ABCB5: variants seen among roughly 807,000 people sequenced by gnomAD.
The protein encoded by ABCB5 is ATP-binding cassette sub-family B member 5.
In ABCB5, 155 loss-of-function variants were observed where a neutral mutation model predicts 144.2. The ratio of observed to expected loss-of-function variants is 1.08; its 90% CI spans 0.94 to 1.23. The LOEUF is 1.23. Among genes scored for constraint, ABCB5 ranks in the 50% most tolerant of loss-of-function variants. The pLI, the probability that ABCB5 is intolerant of heterozygous loss-of-function variation, is 0.00. For missense variants in ABCB5, 1,830 were observed against 1,520.8 expected (o/e 1.20, Z -3.38); for synonymous variants, 610 against 528.6 (o/e 1.15, Z -2.11).
intron 9 of ABCB5, 25 bp downstream of exon 9, chr7:20,646,163 G>T (rs11769236): frequency 5.6e-6 from 9 of 1,597,990 alleles, no homozygotes; most frequent in Non-Finnish European, 7.7e-6. Context: ...AGAACAAGGT[G>T]TCAGGCCTGG....
intron 7 of ABCB5, among the ~76,000 whole-genome samples, chr7:20,644,114 C>G (rs1256258431): frequency 6.7e-6 from 1 of 150,080 alleles, no homozygotes; most frequent in Non-Finnish European, 1.5e-5. Context: ...GAGGCAAGGT[C>G]TCACTGTGTC....
chr7:20,707,201 G>A (rs534143671), intron 20 of ABCB5, among the ~76,000 whole-genome samples: 2 of 152,252 alleles, frequency 1.3e-5, no homozygotes, highest in East Asian at 1.9e-4. Flanking sequence ...TAGAATGAAT[G>A]TTCATAAAAT....
At chr7:20,745,693 A>G (rs1186940525) in intron 26 of ABCB5, among the ~76,000 whole-genome samples, 1 of 152,186 alleles carries the variant, frequency 6.6e-6, no homozygotes, top group African/African-American at 2.4e-5. Context: ...CCTTCCATCC[A>G]TCTACACTGT....
At chr7:20,753,992 A>G (rs1001878115) in intron 27 of ABCB5, among the ~76,000 whole-genome samples, 1 of 152,228 alleles carries the variant, frequency 6.6e-6, no homozygotes, top group African/African-American at 2.4e-5. Flanking sequence ...ATACTTGCAC[A>G]GCAAGCTTCT....
chr7:20,623,361 A>C (rs953374751), intron 2 of ABCB5, 23 bp downstream of exon 2: 1 of 1,528,776 alleles, frequency 6.5e-7, no homozygotes, highest in African/African-American at 1.4e-5. Flanking sequence ...TAAGTTCTGT[A>C]AGTATGCTTC....
At position 20,680,429 on chromosome 7, in the gene ABCB5, C is replaced by G. The variant is rs145165411; in HGVS notation, c.1708-1076C>G. 2.2e-3 allele frequency among the ~76,000 whole-genome samples: 328 copies of G among 152,086 alleles called. 3 individuals are homozygous for G. The highest frequency in any genetic ancestry group is 7.2e-3 in the African/African-American group (300 of 41,502). On this transcript the variant is annotated intron_variant, in intron 14 of 27. Transcript: ENST00000404938. Reference sequence around the variant, plus strand: ...AATAAAATAAAACAAAATAAATAGCCGGGCGTGGTGGTGGGCACCTGTAGT... The same window carrying G: ...AATAAAATAAAACAAAATAAATAGCGGGGCGTGGTGGTGGGCACCTGTAGT...
At chr7:20,634,383 C>T (rs1042405777) in intron 5 of ABCB5, among the ~76,000 whole-genome samples, 3 of 151,874 alleles carry the variant, frequency 2.0e-5, no homozygotes, top group Admixed American at 2.0e-4. Flanking sequence ...CTTTCTGGCA[C>T]AATGATTTCT....
At position 20,643,454 on chromosome 7, in the gene ABCB5, G is replaced by C. The variant is rs751342832; in HGVS notation, c.507-7G>C. 1.3e-5 allele frequency: 21 copies of C among 1,613,818 alleles called. No homozygotes were observed. Among genetic ancestry groups the C allele is most frequent in the Non-Finnish European group, 1.5e-5 (18 of 1,179,832 alleles). The stretch of plus-strand genomic sequence containing the variant: ...ATGACCTAACTACATTTATTTGCTT[G>C]TTTCAGTGACATTGACAAAATCAGT... On this transcript the variant is annotated splice_region_variant and splice_polypyrimidine_tract_variant and intron_variant, in intron 6 of 27. Transcript: ENST00000404938.
chr7:20,643,117 T>C, intron 5 of ABCB5, 67 bp from the exon 6 acceptor site: 2 of 1,374,888 alleles, frequency 1.5e-6, no homozygotes, highest in South Asian at 2.8e-5. Context: ...CTGTGATCGA[T>C]TTTTTATGTG....
intron 13 of ABCB5, 37 bp from the exon 14 acceptor site, chr7:20,658,469 C>T (rs746454022): frequency 6.3e-7 from 1 of 1,597,836 alleles, no homozygotes; most frequent in Non-Finnish European, 8.6e-7. Context: ...GATCACGCTG[C>T]CTTCTGTTTC....
intron 16 of ABCB5, among the ~76,000 whole-genome samples, chr7:20,688,096 G>C (rs1011127692): frequency 6.6e-6 from 1 of 152,082 alleles, no homozygotes; most frequent in Admixed American, 6.5e-5. Flanking sequence ...GGGAGGCTGA[G>C]GCAGGAGAAT....
intron 14 of ABCB5, chr7:20,659,099 A>G (rs1784911184): frequency 1.2e-6 from 2 of 1,613,856 alleles, no homozygotes; most frequent in Non-Finnish European, 1.7e-6. Context: ...ACCTAATTTC[A>G]CCTCAAGTGG....
chr7:20,647,414 C>A, intron 9 of ABCB5, 121 bp from the exon 10 acceptor site: 4 of 1,388,158 alleles, frequency 2.9e-6, no homozygotes, highest in Non-Finnish European at 3.7e-6. Context: ...ATCTTCCATT[C>A]TTTCTTACCT....
At chr7:20,626,757 A>G (rs542800398) in intron 3 of ABCB5, 146 bp downstream of exon 3, 2 of 727,336 alleles carry the variant, frequency 2.7e-6, no homozygotes, top group Non-Finnish European at 4.2e-6. Flanking sequence ...GATTTTCGAT[A>G]GAAAAAATAT....
intron 16 of ABCB5, among the ~76,000 whole-genome samples, chr7:20,687,253 A>G (rs1299255059): frequency 6.6e-6 from 1 of 152,232 alleles, no homozygotes; most frequent in Non-Finnish European, 1.5e-5. Context: ...CTAAAAATTC[A>G]CCGTATTTAT....
intron 14 of ABCB5, among the ~76,000 whole-genome samples, chr7:20,667,785 T>C (rs1204061196): frequency 6.8e-6 from 1 of 146,546 alleles, no homozygotes; most frequent in South Asian, 2.4e-4. Context: ...AAACCTGGAC[T>C]GTACTGCTGC....
chr7:20,748,370 GAA>G (rs66953410), intron 26 of ABCB5, among the ~76,000 whole-genome samples: 62,070 of 151,724 alleles, frequency 0.41, 13,728 homozygotes, highest in African/African-American at 0.59. Context: ...AATTTTATCT[GAA>G]GGTGTAGTGG....
intron 20 of ABCB5, among the ~76,000 whole-genome samples, chr7:20,714,485 C>T (rs1455740065): frequency 6.6e-6 from 1 of 151,988 alleles, no homozygotes; most frequent in Non-Finnish European, 1.5e-5. Flanking sequence ...TTCCGTTTTC[C>T]TTCAATTCTT....
chr7:20,724,258 G>A (rs944375369), intron 21 of ABCB5, among the ~76,000 whole-genome samples: 4 of 150,436 alleles, frequency 2.7e-5, no homozygotes, highest in Non-Finnish European at 5.9e-5. Flanking sequence ...CTTTCATCTT[G>A]GTAGAGGTCC....
Sources: gnomAD v4.1 joint callset for allele counts (sites outside exome capture counted in the v4.1 genomes callset) on GRCh38, gnomAD v4.1.1 for gene constraint, MANE v1.5 for transcripts, NCBI Gene and HGNC (gene_info 2026-07-23, HGNC 2026-07-21) for gene names.